SGPL1: variants seen among roughly 807,000 people sequenced by gnomAD.
SGPL1 encodes the protein sphingosine-1-phosphate lyase 1.
Under a neutral mutation model 68.9 loss-of-function variants are expected in SGPL1, and 37 were observed. The observed-to-expected ratio is 0.54, with a 90% confidence interval of 0.41 to 0.71. SGPL1 has a LOEUF of 0.71. Ranked by LOEUF, SGPL1 falls within the 30% of genes least tolerant of loss-of-function variation. The pLI is 0.00. For missense variants in SGPL1, 551 were observed against 704.6 expected (o/e 0.78, Z 2.47); for synonymous variants, 236 against 248.5 (o/e 0.95, Z 0.47).
At chr10:70,875,932 C>T (rs1244699499) in intron 13 of SGPL1, among the ~76,000 whole-genome samples, 1 of 152,194 alleles carries the variant, frequency 6.6e-6, no homozygotes, top group Non-Finnish European at 1.5e-5. Flanking sequence ...CCTGCTACTG[C>T]CTTCTTTATT....
intron 14 of SGPL1, 103 bp from the exon 15 acceptor site, chr10:70,877,092 A>C: frequency 8.8e-7 from 1 of 1,129,954 alleles, no homozygotes; most frequent in African/African-American, 1.5e-5. Context: ...AGGGCAGTGC[A>C]CATGCGAAGC....
intron 11 of SGPL1, among the ~76,000 whole-genome samples, chr10:70,873,041 A>G (rs545198568): frequency 6.6e-6 from 1 of 152,284 alleles, no homozygotes; most frequent in Non-Finnish European, 1.5e-5. Context: ...ATCCTGACAT[A>G]TGGTCTCCAG....
intron 2 of SGPL1, among the ~76,000 whole-genome samples, chr10:70,823,947 TAAA>T (rs1406167648): frequency 1.3e-5 from 2 of 152,224 alleles, no homozygotes; most frequent in Non-Finnish European, 1.5e-5. Flanking sequence ...ATCATGTAAA[TAAA>T]AAGCAGTTTT....
chr10:70,846,189 G>C (rs1388815266), intron 3 of SGPL1, among the ~76,000 whole-genome samples: 1 of 152,092 alleles, frequency 6.6e-6, no homozygotes, highest in Admixed American at 6.5e-5. Context: ...AAGATTTTCT[G>C]ATAAACTCTA....
In SGPL1 at chr10:70,879,117, T is replaced by G. The variant is rs930391927; in HGVS notation, c.*1782T>G. 4 of 152,816 alleles carry G rather than the reference T, an allele frequency of 2.6e-5. No individual in the cohort carries two copies. Among genetic ancestry groups the G allele is most frequent in the African/African-American group, 9.7e-5 (4 of 41,450 alleles). 9.5% of individuals were successfully genotyped at this position (152,816 alleles called of 1,614,324 possible). ...AATGGATCAGTCTTTGAGGTTTCTATTTGGGGAGGGGAGTACTTAAGATGA... is the reference window on the plus strand; with the variant it reads ...AATGGATCAGTCTTTGAGGTTTCTAGTTGGGGAGGGGAGTACTTAAGATGA... On this transcript the variant is annotated 3_prime_UTR_variant, in exon 15 of 15. Coordinates refer to ENST00000373202, the MANE Select transcript of SGPL1 (RefSeq NM_003901.4).
chr10:70,875,553 G>A lies in SGPL1; in HGVS notation c.1445+5G>A, dbSNP rs376924896. On this transcript the variant is annotated splice_donor_5th_base_variant and intron_variant, in intron 13 of 14. Coordinates refer to ENST00000373202, the MANE Select transcript of SGPL1 (RefSeq NM_003901.4). ...CCAGTTGCAGTTCCCACCCAGGTAA[G>A]CTTGAAGAAGCCTCTTTCCCTTATT... 13 of 1,602,050 alleles carry A rather than the reference G, an allele frequency of 8.1e-6. No homozygotes were observed. Among genetic ancestry groups the A allele is most frequent in the East Asian group, 2.2e-5 (1 of 44,672 alleles).
At chr10:70,835,305 T>G (rs1477605336) in intron 2 of SGPL1, among the ~76,000 whole-genome samples, 2 of 152,216 alleles carry the variant, frequency 1.3e-5, no homozygotes, top group African/African-American at 4.8e-5. Context: ...ATTATTTGGT[T>G]GTTCTCCCTA....
chr10:70,847,139 TTTTTTTG>T (rs527618572), intron 3 of SGPL1, among the ~76,000 whole-genome samples: 24 of 152,224 alleles, frequency 1.6e-4, no homozygotes, highest in South Asian at 4.2e-4. Context: ...TTTGAGGTTT[TTTTTTTG>T]TTTTTTGTTT....
At chr10:70,839,385 A>G (rs1029843849) in intron 2 of SGPL1, among the ~76,000 whole-genome samples, 4 of 152,058 alleles carry the variant, frequency 2.6e-5, no homozygotes, top group Non-Finnish European at 5.9e-5. Context: ...ATTTTATAAC[A>G]GTGAAGGAAG....
chr10:70,859,091 G>C (rs1405565640), intron 6 of SGPL1, among the ~76,000 whole-genome samples: 1 of 152,224 alleles, frequency 6.6e-6, no homozygotes, highest in Non-Finnish European at 1.5e-5. Flanking sequence ...ACAGCTGAAA[G>C]TAATAGGCAA....
chr10:70,860,030 T>C (rs985291764), intron 7 of SGPL1, among the ~76,000 whole-genome samples: 1 of 152,212 alleles, frequency 6.6e-6, no homozygotes, highest in Non-Finnish European at 1.5e-5. Flanking sequence ...GTTTAATTTA[T>C]TATTTTGCTG....
intron 2 of SGPL1, among the ~76,000 whole-genome samples, chr10:70,831,118 C>T (rs750276654): frequency 4.6e-5 from 7 of 152,130 alleles, no homozygotes; most frequent in South Asian, 2.1e-4. Flanking sequence ...CTTTCAGAGC[C>T]GTAAACAGCC....
chr10:70,870,868 T>C (rs1846281496), intron 9 of SGPL1, among the ~76,000 whole-genome samples, 180 bp from the exon 10 acceptor site: 1 of 152,200 alleles, frequency 6.6e-6, no homozygotes, highest in African/African-American at 2.4e-5. Flanking sequence ...TGGACTTACC[T>C]GGAGTCACCT....
At chr10:70,859,047 G>A (rs796137845) in intron 6 of SGPL1, among the ~76,000 whole-genome samples, 4 of 152,300 alleles carry the variant, frequency 2.6e-5, no homozygotes, top group African/African-American at 9.6e-5. Flanking sequence ...CAACTTCTGC[G>A]TATGAAGAAA....
chr10:70,860,348 G>A, intron 7 of SGPL1: 2 of 462,624 alleles, frequency 4.3e-6, no homozygotes, highest in Non-Finnish European at 8.9e-6. Flanking sequence ...TTATTGAAGG[G>A]CCCATTCGAA....
In SGPL1 at chr10:70,855,061, A is replaced by G. The variant is rs1845942984; in HGVS notation, c.409+206A>G. Among the ~76,000 whole-genome samples, 2 of 152,240 alleles carry G rather than the reference A, an allele frequency of 1.3e-5. 1 individual carries two copies. The highest frequency in any genetic ancestry group is 4.1e-4 in the South Asian group (2 of 4,834). On this transcript the variant is annotated intron_variant, in intron 5 of 14. Transcript: ENST00000373202. ...TCCATAAAGCAAGCAAATCTCAGAG[A>G]CAGTGGAACTTGGCTTTTATTTCCT...
chr10:70,862,708 C>G lies in SGPL1; in HGVS notation c.615+3209C>G, dbSNP rs1178896733. Among the ~76,000 whole-genome samples, 4 of 152,258 alleles carry G rather than the reference C, an allele frequency of 2.6e-5. No individual in the cohort carries two copies. In the East Asian group the frequency reaches 7.7e-4, roughly 29 times the overall value. On this transcript the variant is annotated intron_variant, in intron 7 of 14. Coordinates refer to ENST00000373202, the MANE Select transcript of SGPL1 (RefSeq NM_003901.4). ...ACGCGCTGCCTTAAGAGCTGTAACA[C>G]TCACTGTGAAGGTCTGCAGCTTCAC...
intron 7 of SGPL1, among the ~76,000 whole-genome samples, chr10:70,864,469 G>T (rs1205822077): frequency 6.6e-6 from 1 of 152,036 alleles, no homozygotes; most frequent in Non-Finnish European, 1.5e-5. Context: ...TTTATTCCTT[G>T]CTGTTCCTAA....
intron 2 of SGPL1, among the ~76,000 whole-genome samples, chr10:70,817,650 C>T (rs1410457937): frequency 6.6e-5 from 10 of 152,134 alleles, no homozygotes; most frequent in Non-Finnish European, 1.2e-4. Flanking sequence ...TCCCGTACTA[C>T]CAGAGCAGTT....
Sources: allele counts gnomAD v4.1 joint callset (sites outside exome capture counted in the v4.1 genomes callset), GRCh38; gene constraint gnomAD v4.1.1; transcripts MANE v1.5; gene names NCBI Gene and HGNC (gene_info 2026-07-23, HGNC 2026-07-21).